CBLB: variants seen among roughly 807,000 people sequenced by gnomAD.
CBLB encodes E3 ubiquitin-protein ligase CBL-B.
CBLB carries 31 observed loss-of-function variants against 104.9 expected under a neutral mutation model. That is an observed-to-expected ratio of 0.30 (90% CI 0.22 to 0.40). The LOEUF is 0.40. CBLB is among the 10% of genes least tolerant of loss of function. The probability of loss-of-function intolerance (pLI) is 1.00; values close to 1 mark genes in which losing one functional copy is unlikely to be tolerated. For missense variants in CBLB, 1,062 were observed against 1,214.6 expected (o/e 0.87, Z 1.87); for synonymous variants, 440 against 422.6 (o/e 1.04, Z -0.51).
rs116304607 is a variant in CBLB, at chr3:105,837,182, A to C, written c.419+16232T>G. On this transcript the variant is annotated intron_variant, in intron 3 of 18. Transcript: ENST00000394030. ...CAAGACAATTCCCACAATAAGACTTAAAAAACATTGTGCACGCGTATTAAT... is the reference window on the plus strand; with the variant it reads ...CAAGACAATTCCCACAATAAGACTTCAAAAACATTGTGCACGCGTATTAAT... Among the ~76,000 whole-genome samples, 1,203 of 152,356 alleles carry C rather than the reference A, an allele frequency of 7.9e-3. 19 individuals are homozygous for C. Among genetic ancestry groups the C allele is most frequent in the African/African-American group, 0.027 (1,120 of 41,586 alleles).
At chr3:105,670,543 C>T in intron 17 of CBLB, 191 bp from the exon 18 acceptor site, 3 of 570,244 alleles carry the variant, frequency 5.3e-6, no homozygotes, top group South Asian at 4.3e-5. Flanking sequence ...CTTAAATATG[C>T]TCTTCACATT....
At chr3:105,751,922 A>G (rs2076628682) in intron 4 of CBLB, among the ~76,000 whole-genome samples, 2 of 152,212 alleles carry the variant, frequency 1.3e-5, no homozygotes, top group Admixed American at 1.3e-4. Flanking sequence ...CTTATGTGTC[A>G]TGACCTCTTC....
intron 3 of CBLB, among the ~76,000 whole-genome samples, chr3:105,818,475 G>A (rs2085363387): frequency 6.6e-6 from 1 of 151,934 alleles, no homozygotes; most frequent in Non-Finnish European, 1.5e-5. Context: ...TAAAAATAAG[G>A]CACAATGACT....
intron 17 of CBLB, among the ~76,000 whole-genome samples, chr3:105,674,146 G>A (rs1277701852): frequency 2.0e-5 from 3 of 152,178 alleles, no homozygotes. Context: ...TGCTGCTCTA[G>A]CCCATTAATG....
chr3:105,658,668 A>G lies in CBLB; in HGVS notation c.*302T>C. The G allele has an allele frequency of 2.3e-6, 1 of 440,412 alleles. No homozygotes were observed. The highest frequency in any genetic ancestry group is 3.8e-5 in the Admixed American group (1 of 26,602). The allele number at this position is 440,412 out of a possible 1,614,324, so 27.3% of individuals were successfully genotyped here. A position where few individuals can be genotyped will look rare whatever the true frequency, so the allele number is the denominator to read the frequency against. On this transcript the variant is annotated 3_prime_UTR_variant, in exon 19 of 19. Transcript: ENST00000394030. ...AACAAGAACAAACTGCAACTTTGCC[A>G]AACTGTAAACAAGGTAAAGCATTTC...
chr3:105,771,642 T>C (rs2078888291), intron 4 of CBLB, among the ~76,000 whole-genome samples: 2 of 152,032 alleles, frequency 1.3e-5, no homozygotes, highest in Admixed American at 1.3e-4. Flanking sequence ...AGCCTCAAGA[T>C]TCATCCAAAA....
intron 3 of CBLB, among the ~76,000 whole-genome samples, chr3:105,850,831 C>A (rs2090846830): frequency 6.6e-6 from 1 of 152,154 alleles, no homozygotes; most frequent in Admixed American, 6.6e-5. Flanking sequence ...CAAACTATGT[C>A]TTTAAAACAC....
chr3:105,817,991 T>C (rs1209521488), intron 3 of CBLB, among the ~76,000 whole-genome samples: 4 of 152,198 alleles, frequency 2.6e-5, no homozygotes, highest in African/African-American at 7.2e-5. Flanking sequence ...TAAACAATTT[T>C]TTTCCCAAAA....
intron 10 of CBLB, among the ~76,000 whole-genome samples, chr3:105,708,531 T>C (rs992319504): frequency 1.3e-5 from 2 of 152,000 alleles, no homozygotes; most frequent in Non-Finnish European, 2.9e-5. Context: ...TGCCAACTGG[T>C]TATAAAGAAC....
rs1228086676 is a variant in CBLB at position 105,776,454 on chromosome 3, T to C, written c.508A>G (p.Asn170Asp). ...IFPNGQFQGDNFRITKADAAE... is the reference protein window; with the variant it reads ...IFPNGQFQGDDFRITKADAAE... ...GCATCTGCTTTTGTGATACGAAAGT[T>C]ATCTCCCTGGAATTGACCATTGGGA... Residue 170 changes from asparagine (N) to aspartate (D), a missense_variant, in exon 4 of 19, where the codon AAC becomes GAC. Physicochemically the swap from Asn to Asp is conservative, Grantham distance 23. This residue lies in a region of CBLB where 457 missense variants were observed against 632.0 expected (regional missense o/e 0.72). Coordinates refer to ENST00000394030, the MANE Select transcript of CBLB (RefSeq NM_170662.5). 3.1e-6 allele frequency: 5 copies of C among 1,613,648 alleles called. No homozygotes were observed. Among genetic ancestry groups the C allele is most frequent in the Non-Finnish European group, 4.2e-6 (5 of 1,179,828 alleles).
intron 3 of CBLB, among the ~76,000 whole-genome samples, chr3:105,812,683 A>G (rs2153041929): frequency 6.6e-6 from 1 of 152,326 alleles, no homozygotes; most frequent in Middle Eastern, 3.4e-3. Context: ...TGAAGATACA[A>G]AAGTAAGAAG....
upstream of CBLB, chr3:105,869,033 A>G (rs1338855997): frequency 1.3e-6 from 1 of 782,778 alleles, no homozygotes; most frequent in East Asian, 1.2e-4. Flanking sequence ...TGTGGCACAC[A>G]CAGGACCCAG....
chr3:105,678,369 A>G, intron 17 of CBLB, 62 bp downstream of exon 17: 1 of 1,470,446 alleles, frequency 6.8e-7, no homozygotes, highest in Non-Finnish European at 9.5e-7. Context: ...TTTATTTGAT[A>G]GTATGGTTTT....
At chr3:105,833,632 G>A (rs2087925918) in intron 3 of CBLB, among the ~76,000 whole-genome samples, 1 of 151,430 alleles carries the variant, frequency 6.6e-6, no homozygotes, top group African/African-American at 2.4e-5. Flanking sequence ...GTTTAATTCT[G>A]GTTTGAAAAG....
At chr3:105,698,181 T>C (rs2068629612) in intron 12 of CBLB, among the ~76,000 whole-genome samples, 1 of 151,904 alleles carries the variant, frequency 6.6e-6, no homozygotes, top group African/African-American at 2.4e-5. Flanking sequence ...AGGGGAAGAG[T>C]AAAGGGAGTA....
intron 3 of CBLB, among the ~76,000 whole-genome samples, chr3:105,808,488 T>C (rs1232709184): frequency 6.6e-6 from 1 of 152,198 alleles, no homozygotes; most frequent in Non-Finnish European, 1.5e-5. Flanking sequence ...GCCAGTTTCA[T>C]GCTGTATACT....
At chr3:105,721,447 A>G (rs961568854) in intron 9 of CBLB, among the ~76,000 whole-genome samples, 1 of 152,230 alleles carries the variant, frequency 6.6e-6, no homozygotes, top group Non-Finnish European at 1.5e-5. Context: ...AGTCTCAGTC[A>G]GCTCAACAAA....
At chr3:105,849,134 T>G (rs1326584952) in intron 3 of CBLB, among the ~76,000 whole-genome samples, 1 of 152,168 alleles carries the variant, frequency 6.6e-6, no homozygotes, top group African/African-American at 2.4e-5. Context: ...CAGTTTGCAT[T>G]TGGAATCCTA....
chr3:105,859,310 A>C (rs2091895635), intron 2 of CBLB, among the ~76,000 whole-genome samples: 1 of 152,208 alleles, frequency 6.6e-6, no homozygotes, highest in Non-Finnish European at 1.5e-5. Context: ...GTTACACTGA[A>C]TCAAGTCATA....
Sources: gnomAD v4.1 joint callset for allele counts (sites outside exome capture counted in the v4.1 genomes callset) on GRCh38, gnomAD v4.1.1 for gene constraint, gnomAD v4.1.1 regional missense constraint, MANE v1.5 for transcripts, NCBI Gene and HGNC (gene_info 2026-07-23, HGNC 2026-07-21) for gene names.